GLRB: variants seen among roughly 807,000 people sequenced by gnomAD.
GLRB encodes the protein glycine receptor subunit beta.
A neutral mutation model predicts 54.2 loss-of-function variants in GLRB; 33 were observed. That is an observed-to-expected ratio of 0.61 (90% CI 0.46 to 0.81). The LOEUF (loss-of-function observed/expected upper bound fraction) is 0.81, where lower values mean the gene tolerates loss of function less well. Ranked by LOEUF, GLRB falls within the 40% of genes least tolerant of loss-of-function variation. The pLI, the probability that GLRB is intolerant of heterozygous loss-of-function variation, is 0.00. For missense variants in GLRB, 572 were observed against 584.6 expected (o/e 0.98, Z 0.22); for synonymous variants, 209 against 208.2 (o/e 1.00, Z -0.03).
chr4:157,129,909 G>C (rs1736150535), intron 4 of GLRB, among the ~76,000 whole-genome samples: 1 of 151,606 alleles, frequency 6.6e-6, no homozygotes, highest in East Asian at 1.9e-4. Context: ...TCTCAGTATA[G>C]AGAAACCCAA....
At chr4:157,165,719 A>C (rs1737681097) in intron 9 of GLRB, among the ~76,000 whole-genome samples, 1 of 151,880 alleles carries the variant, frequency 6.6e-6, no homozygotes, top group South Asian at 2.1e-4. Flanking sequence ...TCCTATTTTT[A>C]TTCAACAAAG....
intron 2 of GLRB, among the ~76,000 whole-genome samples, chr4:157,099,104 G>A (rs1450745665): frequency 3.9e-5 from 6 of 152,178 alleles, no homozygotes; most frequent in East Asian, 1.9e-4. Flanking sequence ...AAGAAGGGAC[G>A]TTTGGAAGGT....
At position 157,136,783 on chromosome 4, in the gene GLRB, A is replaced by T. The variant is rs1170329442; in HGVS notation, c.528-21A>T. 6 of 1,559,434 alleles carry T rather than the reference A, an allele frequency of 3.8e-6. No individual in the cohort carries two copies. The South Asian group carries it at 6.7e-5, about 17-fold the overall frequency. Reference sequence around the variant, plus strand: ...CAGAGAAGTATATTAAATTATTTCTAAGACCCATTTCTGCTTCCAGGTTAT... The same window carrying T: ...CAGAGAAGTATATTAAATTATTTCTTAGACCCATTTCTGCTTCCAGGTTAT... On this transcript the variant is annotated intron_variant, in intron 5 of 9. Transcript: ENST00000264428.
rs532101186 is a variant in GLRB, at chr4:157,085,745, C to A, written c.122+7599C>A. Among the ~76,000 whole-genome samples the A allele has an allele frequency of 2.0e-5, 3 of 152,060 alleles. No individual in the cohort carries two copies. In the East Asian group the frequency reaches 5.8e-4, roughly 30 times the overall value. On this transcript the variant is annotated intron_variant, in intron 2 of 9. Coordinates refer to ENST00000264428, the MANE Select transcript of GLRB (RefSeq NM_000824.5). ...ATCTCCTGACCTCGTGATCCACCCACCTCGGCCTCCCAAAGTGTTGGAATT... is the reference window on the plus strand; with the variant it reads ...ATCTCCTGACCTCGTGATCCACCCAACTCGGCCTCCCAAAGTGTTGGAATT...
intron 2 of GLRB, among the ~76,000 whole-genome samples, chr4:157,087,964 G>T (rs1468796050): frequency 6.6e-6 from 1 of 152,040 alleles, no homozygotes; most frequent in Non-Finnish European, 1.5e-5. Flanking sequence ...TTTTATGGAA[G>T]TTTACACTTA....
At position 157,136,788 on chromosome 4, in the gene GLRB, C is replaced by T. The variant is rs768769235; in HGVS notation, c.528-16C>T. 6 of 1,570,068 alleles carry T rather than the reference C, an allele frequency of 3.8e-6. No homozygotes were observed. In the South Asian group the frequency reaches 6.7e-5, roughly 17 times the overall value. On this transcript the variant is annotated splice_polypyrimidine_tract_variant and intron_variant, in intron 5 of 9. Coordinates refer to ENST00000264428, the MANE Select transcript of GLRB (RefSeq NM_000824.5). ...AAGTATATTAAATTATTTCTAAGAC[C>T]CATTTCTGCTTCCAGGTTATCTATT... is the stretch of plus-strand genomic sequence containing the variant.
intron 2 of GLRB, among the ~76,000 whole-genome samples, chr4:157,119,869 C>A (rs1238618029): frequency 5.3e-5 from 8 of 151,680 alleles, no homozygotes; most frequent in African/African-American, 1.7e-4. Flanking sequence ...TTGACCCAGC[C>A]ATCCCATTAC....
intron 4 of GLRB, among the ~76,000 whole-genome samples, chr4:157,131,224 C>T (rs999914039): frequency 1.1e-4 from 17 of 151,666 alleles, no homozygotes; most frequent in South Asian, 4.1e-4. Flanking sequence ...ATATTTTTGC[C>T]TTATCTTAAA....
chr4:157,086,809 C>T (rs1734429119), intron 2 of GLRB, among the ~76,000 whole-genome samples: 1 of 152,138 alleles, frequency 6.6e-6, no homozygotes, highest in African/African-American at 2.4e-5. Context: ...ACCCAAATAA[C>T]ATCAATGGGA....
chr4:157,086,884 A>G (rs1014822919), intron 2 of GLRB, among the ~76,000 whole-genome samples: 3 of 152,106 alleles, frequency 2.0e-5, no homozygotes, highest in Non-Finnish European at 4.4e-5. Flanking sequence ...TAAAACTGAA[A>G]TTAAACTCCC....
At chr4:157,150,932 CT>C (rs1309330629) in intron 8 of GLRB, among the ~76,000 whole-genome samples, 1 of 151,960 alleles carries the variant, frequency 6.6e-6, no homozygotes, top group Non-Finnish European at 1.5e-5. Flanking sequence ...CAAAGTAATG[CT>C]ACTTAAGTAT....
chr4:157,128,950 C>T (rs897737862), intron 4 of GLRB, among the ~76,000 whole-genome samples: 29 of 151,606 alleles, frequency 1.9e-4, no homozygotes, highest in African/African-American at 6.5e-4. Context: ...CTAATTTTTG[C>T]CATAATGCAA....
chr4:157,086,102 C>G (rs567639682), intron 2 of GLRB, among the ~76,000 whole-genome samples: 1 of 152,098 alleles, frequency 6.6e-6, no homozygotes, highest in Non-Finnish European at 1.5e-5. Flanking sequence ...AAAGACTTCG[C>G]GTTACAGGTA....
chr4:157,096,608 C>A (rs1281610002), intron 2 of GLRB, among the ~76,000 whole-genome samples: 2 of 152,166 alleles, frequency 1.3e-5, no homozygotes, highest in Non-Finnish European at 1.5e-5. Flanking sequence ...GAATAGCATT[C>A]ATGTTTGTTG....
chr4:157,111,224 G>C (rs1242903468), intron 2 of GLRB, among the ~76,000 whole-genome samples: 1 of 151,980 alleles, frequency 6.6e-6, no homozygotes, highest in Non-Finnish European at 1.5e-5. Context: ...GGAGAAGCTG[G>C]GAGCTAGGGT....
At chr4:157,107,659 A>G (rs1735274365) in intron 2 of GLRB, among the ~76,000 whole-genome samples, 1 of 152,126 alleles carries the variant, frequency 6.6e-6, no homozygotes, top group Admixed American at 6.6e-5. Flanking sequence ...AGGTTGAAGG[A>G]AAGAAGCCAT....
chr4:157,169,316 T>C (rs1737830811), intron 9 of GLRB, among the ~76,000 whole-genome samples: 1 of 152,170 alleles, frequency 6.6e-6, no homozygotes, highest in Non-Finnish European at 1.5e-5. Context: ...TGAAGCAATC[T>C]AGCCAAGAGC....
intron 2 of GLRB, among the ~76,000 whole-genome samples, chr4:157,086,505 G>A (rs1560933125): frequency 6.6e-6 from 1 of 152,164 alleles, no homozygotes; most frequent in Non-Finnish European, 1.5e-5. Context: ...AGTTTGTTTG[G>A]AGAATCTTGA....
chr4:157,167,301 C>T (rs528328253), intron 9 of GLRB, among the ~76,000 whole-genome samples: 1 of 152,202 alleles, frequency 6.6e-6, no homozygotes, highest in African/African-American at 2.4e-5. Context: ...CTGTTCTCCA[C>T]TTCTATTCCA....
Sources: allele counts gnomAD v4.1 joint callset (sites outside exome capture counted in the v4.1 genomes callset), GRCh38; gene constraint gnomAD v4.1.1; transcripts MANE v1.5; gene names NCBI Gene and HGNC (gene_info 2026-07-23, HGNC 2026-07-21).